Variants in GRIK1 observed in about 807,000 individuals in gnomAD.
GRIK1 encodes glutamate ionotropic receptor kainate type subunit 1.
A neutral mutation model predicts 105.7 loss-of-function variants in GRIK1; 69 were observed. That is an observed-to-expected ratio of 0.65 (90% CI 0.54 to 0.80). The LOEUF (loss-of-function observed/expected upper bound fraction) is 0.80, where lower values mean the gene tolerates loss of function less well. Among genes scored for constraint, GRIK1 ranks in the 30% least tolerant of loss-of-function variants. The pLI, the probability that GRIK1 is intolerant of heterozygous loss-of-function variation, is 0.00. For synonymous variants in GRIK1, 438 were observed against 431.3 expected, an observed-to-expected ratio of 1.02 and a Z score of -0.19; for missense variants, 1,109 against 1,167.3, an observed-to-expected ratio of 0.95 and a Z score of 0.73.
At chr21:29,582,063 T>C (rs1241994738) in intron 12 of GRIK1, among the ~76,000 whole-genome samples, 1 of 152,158 alleles carries the variant, frequency 6.6e-6, no homozygotes, top group Non-Finnish European at 1.5e-5. Flanking sequence ...GATTTTGTAA[T>C]GCATGAAAGG....
chr21:29,665,600 A>G (rs1189758945), intron 4 of GRIK1, among the ~76,000 whole-genome samples: 1 of 152,234 alleles, frequency 6.6e-6, no homozygotes, highest in East Asian at 1.9e-4. Context: ...AAAGCCTACT[A>G]AGTACAAGCA....
At chr21:29,932,324 ATATCAT>A (rs1882711307) in intron 1 of GRIK1, among the ~76,000 whole-genome samples, 5 of 152,252 alleles carry the variant, frequency 3.3e-5, no homozygotes, top group African/African-American at 1.2e-4. Context: ...TATTTAGTCA[ATATCAT>A]TGCTTGTTAA....
rs191465513 is a variant in GRIK1, at chr21:29,874,695, G to A, written c.118+64688C>T. ...GAGAATAGAGTATGGACAACCAGTT[G>A]GAAGACAAATGCAGTAATTCTGTAT... On this transcript the variant is annotated intron_variant, in intron 1 of 17. Transcript: ENST00000327783. 3.9e-5 allele frequency among the ~76,000 whole-genome samples: 6 copies of A among 152,256 alleles called. No homozygotes were observed. In the East Asian group the frequency reaches 1.2e-3, roughly 29 times the overall value.
intron 1 of GRIK1, among the ~76,000 whole-genome samples, chr21:29,769,197 G>A (rs1222740773): frequency 3.9e-5 from 6 of 152,212 alleles, no homozygotes; most frequent in Middle Eastern, 3.4e-3. Flanking sequence ...CTGAGAACAT[G>A]ACTTTATTAG....
chr21:29,593,283 G>A (rs1207643532), intron 9 of GRIK1, among the ~76,000 whole-genome samples: 3 of 152,084 alleles, frequency 2.0e-5, no homozygotes, highest in African/African-American at 7.2e-5. Flanking sequence ...GTTGTAAGCT[G>A]TACTCTTAAT....
chr21:29,895,582 G>C (rs571107690), intron 1 of GRIK1, among the ~76,000 whole-genome samples: 1 of 152,298 alleles, frequency 6.6e-6, no homozygotes, highest in Admixed American at 6.5e-5. Context: ...AAGGTGAACA[G>C]TAACTCCTCC....
At chr21:29,928,141 T>C (rs2071447182) in intron 1 of GRIK1, among the ~76,000 whole-genome samples, 2 of 152,200 alleles carry the variant, frequency 1.3e-5, no homozygotes, top group Non-Finnish European at 2.9e-5. Context: ...AATTTTCATA[T>C]CTGCCACCAC....
At chr21:29,599,074 G>T in intron 7 of GRIK1, 137 bp from the exon 8 acceptor site, 1 of 531,946 alleles carries the variant, frequency 1.9e-6, no homozygotes, top group Non-Finnish European at 3.3e-6. Flanking sequence ...CCATTGCATT[G>T]GTTCAGCGAC....
intron 1 of GRIK1, among the ~76,000 whole-genome samples, chr21:29,694,739 G>C (rs1157091555): frequency 6.6e-6 from 1 of 152,170 alleles, no homozygotes; most frequent in Non-Finnish European, 1.5e-5. Context: ...CTGTATCCTT[G>C]TAGGACCATT....
chr21:29,596,941 C>A (rs967147138), intron 8 of GRIK1, among the ~76,000 whole-genome samples: 10 of 151,996 alleles, frequency 6.6e-5, no homozygotes, highest in African/African-American at 2.4e-4. Context: ...AACCAACCAG[C>A]AAATCAATCA....
chr21:29,549,644 C>T (rs1046391388), intron 16 of GRIK1, among the ~76,000 whole-genome samples: 3 of 151,732 alleles, frequency 2.0e-5, no homozygotes, highest in Non-Finnish European at 4.4e-5. Context: ...AGTAGGAGAA[C>T]TAATAATGTA....
At chr21:29,888,166 T>TTTCC (rs2069714884) in intron 1 of GRIK1, among the ~76,000 whole-genome samples, 2 of 7,026 alleles carry the variant, frequency 2.8e-4, no homozygotes, top group Non-Finnish European at 1.3e-3. Flanking sequence ...TTCTTTTTTC[T>TTTCC]TTCTTTCTTT....
intron 1 of GRIK1, among the ~76,000 whole-genome samples, chr21:29,762,666 A>G (rs1163251753): frequency 6.6e-6 from 1 of 152,192 alleles, no homozygotes; most frequent in Non-Finnish European, 1.5e-5. Context: ...CTGTCTGTGC[A>G]TTAAGAATTC....
At chr21:29,541,092 C>T (rs937527033) in intron 16 of GRIK1, among the ~76,000 whole-genome samples, 27 of 151,962 alleles carry the variant, frequency 1.8e-4, no homozygotes, top group African/African-American at 5.3e-4. Context: ...CTCAGCCTCC[C>T]GAGTAGCTGG....
At chr21:29,930,929 T>C (rs941094416) in intron 1 of GRIK1, among the ~76,000 whole-genome samples, 1 of 152,212 alleles carries the variant, frequency 6.6e-6, no homozygotes, top group African/African-American at 2.4e-5. Context: ...GATCTTTATG[T>C]ACTGCAGAGT....
chr21:29,690,808 A>AT (rs1323930630), intron 2 of GRIK1, among the ~76,000 whole-genome samples: 5 of 152,354 alleles, frequency 3.3e-5, no homozygotes, highest in African/African-American at 1.2e-4. Flanking sequence ...AAAATTAGGG[A>AT]TAAAAAGGCT....
chr21:29,934,825 T>C (rs1299440346), intron 1 of GRIK1, among the ~76,000 whole-genome samples: 1 of 152,146 alleles, frequency 6.6e-6, no homozygotes, highest in Non-Finnish European at 1.5e-5. Flanking sequence ...AATGTTAACA[T>C]TAGGCCCATA....
In GRIK1 at chr21:29,684,533, G is replaced by A. The variant is rs73352565; in HGVS notation, c.544+5195C>T. ...AATTACTTTTTTTTTTTGAGATGGA[G>A]TCTTTGCTCAGACGCCCAGGCTGGA... On this transcript the variant is annotated intron_variant, in intron 3 of 17. Coordinates refer to ENST00000327783, the MANE Select transcript of GRIK1 (RefSeq NM_001330994.2). Among the ~76,000 whole-genome samples the A allele has an allele frequency of 9.3e-3, 1,414 of 151,390 alleles. 25 individuals are homozygous for A. Among genetic ancestry groups the A allele is most frequent in the African/African-American group, 0.033 (1,349 of 41,234 alleles).
intron 16 of GRIK1, among the ~76,000 whole-genome samples, chr21:29,548,132 G>T (rs2090075734): frequency 2.0e-5 from 3 of 151,986 alleles, no homozygotes; most frequent in Admixed American, 2.0e-4. Flanking sequence ...CCATCATCCA[G>T]GTCTTACTCA....
Sources: allele counts gnomAD v4.1 joint callset (sites outside exome capture counted in the v4.1 genomes callset), GRCh38; gene constraint gnomAD v4.1.1; transcripts MANE v1.5; gene names NCBI Gene and HGNC (gene_info 2026-07-23, HGNC 2026-07-21).